The following DNAH11 variants were observed in gnomAD, a reference collection of about 807,000 sequenced individuals.
DNAH11 encodes axonemal beta dynein heavy chain 11.
In DNAH11, 442 loss-of-function variants were observed where a neutral mutation model predicts 526.0. The ratio of observed to expected loss-of-function variants is 0.84; its 90% CI spans 0.78 to 0.91. DNAH11 has a LOEUF of 0.91. Ranked by LOEUF, DNAH11 falls within the 40% of genes least tolerant of loss-of-function variation. The pLI is 0.00. For missense variants in DNAH11, 6,989 were observed against 5,448.7 expected (o/e 1.28, Z -8.90); for synonymous variants, 2,461 against 1,935.9 (o/e 1.27, Z -7.12).
At chr7:21,796,893 A>AT (rs965567571) in intron 61 of DNAH11, among the ~76,000 whole-genome samples, 3 of 152,024 alleles carry the variant, frequency 2.0e-5, no homozygotes, top group Non-Finnish European at 2.9e-5. Context: ...GTTAGTTGTT[A>AT]TTTTTTTATT....
chr7:21,837,084 A>G (rs1480986275), intron 65 of DNAH11, among the ~76,000 whole-genome samples: 1 of 152,202 alleles, frequency 6.6e-6, no homozygotes, highest in East Asian at 1.9e-4. Context: ...TCAAAAAGAC[A>G]AAAAATAACA....
At chr7:21,658,533 T>C (rs895288456) in intron 29 of DNAH11, among the ~76,000 whole-genome samples, 2 of 152,154 alleles carry the variant, frequency 1.3e-5, no homozygotes, top group African/African-American at 2.4e-5. Context: ...CTTTTCTGTT[T>C]AGGCTGTGGA....
At chr7:21,652,105 A>G (rs1346750474) in intron 28 of DNAH11, among the ~76,000 whole-genome samples, 5 of 152,226 alleles carry the variant, frequency 3.3e-5, no homozygotes, top group Non-Finnish European at 5.9e-5. Context: ...GGAGTCACAG[A>G]AGAGAGAGCT....
intron 63 of DNAH11, among the ~76,000 whole-genome samples, chr7:21,813,436 A>C (rs1294980839): frequency 6.6e-6 from 1 of 152,228 alleles, no homozygotes; most frequent in Non-Finnish European, 1.5e-5. Flanking sequence ...AAAAAATGGA[A>C]AGAATGAATC....
chr7:21,688,776 A>G (rs1783491285), intron 34 of DNAH11, among the ~76,000 whole-genome samples: 1 of 152,168 alleles, frequency 6.6e-6, no homozygotes, highest in African/African-American at 2.4e-5. Flanking sequence ...ACACAATGCC[A>G]CATTCCAAAA....
chr7:21,748,850 C>G (rs2128492669), intron 52 of DNAH11, 108 bp downstream of exon 52: 2 of 1,192,924 alleles, frequency 1.7e-6, no homozygotes, highest in Middle Eastern at 3.0e-4. Flanking sequence ...GCCAAGGCCT[C>G]CCCAACCACG....
intron 2 of DNAH11, among the ~76,000 whole-genome samples, chr7:21,548,496 C>CAT (rs1425065695): frequency 5.9e-5 from 9 of 152,142 alleles, no homozygotes; most frequent in African/African-American, 2.2e-4. Flanking sequence ...ACGGAGTTAA[C>CAT]ATATATATTG....
At chr7:21,842,780 G>T (rs891382426) in intron 66 of DNAH11, 32 bp downstream of exon 66, 1 of 1,547,058 alleles carries the variant, frequency 6.5e-7, no homozygotes, top group East Asian at 2.3e-5. Flanking sequence ...CCAACACTTA[G>T]TCGGCATTTG....
chr7:21,749,909 A>G, intron 53 of DNAH11, 108 bp downstream of exon 53: 5 of 1,532,710 alleles, frequency 3.3e-6, no homozygotes, highest in Non-Finnish European at 4.4e-6. Flanking sequence ...TTTGCTGGGC[A>G]GTCTTTGGGG....
chr7:21,650,231 T>C (rs1463093150), intron 28 of DNAH11, among the ~76,000 whole-genome samples: 1 of 152,208 alleles, frequency 6.6e-6, no homozygotes, highest in Non-Finnish European at 1.5e-5. Flanking sequence ...GTTACAGTAA[T>C]AAGTGAGAAA....
chr7:21,866,542 T>A lies in DNAH11; in HGVS notation c.11569T>A (p.Trp3857Arg). 3.7e-6 allele frequency: 6 copies of A among 1,613,704 alleles called. No homozygotes were observed. The highest frequency in any genetic ancestry group is 5.1e-6 in the Non-Finnish European group (6 of 1,179,806). ...VEGSAKQWRK[W>R]VESECPEKEK... Reference sequence around the variant, plus strand: ...AGGATCTGCCAAGCAGTGGAGGAAGTGGGTAGAATCCGAGTGTCCAGAAAA... The same window carrying A: ...AGGATCTGCCAAGCAGTGGAGGAAGAGGGTAGAATCCGAGTGTCCAGAAAA... The change falls in exon 71 of 82, where the codon TGG (tryptophan) becomes AGG (arginine). Residue 3857 changes from tryptophan (W) to arginine (R), a missense_variant. Physicochemically the swap from Trp to Arg is moderately radical, Grantham distance 101. Coordinates refer to ENST00000409508, the MANE Select transcript of DNAH11 (RefSeq NM_001277115.2).
chr7:21,753,101 A>C (rs557865058), intron 54 of DNAH11, among the ~76,000 whole-genome samples: 2 of 152,334 alleles, frequency 1.3e-5, no homozygotes, highest in Non-Finnish European at 2.9e-5. Flanking sequence ...AGACTGGCTC[A>C]GTATTACCCT....
chr7:21,544,953 C>A, intron 1 of DNAH11, 53 bp from the exon 2 acceptor site: 2 of 1,454,062 alleles, frequency 1.4e-6, no homozygotes, highest in Non-Finnish European at 9.2e-7. Flanking sequence ...TATAGTAAAT[C>A]CTGCTTGTTA....
intron 25 of DNAH11, among the ~76,000 whole-genome samples, chr7:21,630,213 C>A (rs573568352): frequency 1.3e-5 from 2 of 151,852 alleles, no homozygotes; most frequent in South Asian, 4.2e-4. Context: ...CCATTCCTTC[C>A]CCCCACCCCA....
chr7:21,896,418 T>C (rs1314620390), intron 79 of DNAH11, among the ~76,000 whole-genome samples: 2 of 152,168 alleles, frequency 1.3e-5, no homozygotes, highest in Admixed American at 1.3e-4. Context: ...ACTCCATGGT[T>C]TTCTAGCTTT....
chr7:21,557,097 TTTTTC>T (rs1385853656), intron 2 of DNAH11, among the ~76,000 whole-genome samples: 3 of 151,462 alleles, frequency 2.0e-5, no homozygotes, highest in Non-Finnish European at 2.9e-5. Context: ...CAGTATTTGG[TTTTTC>T]TGTTCCTGTG....
At chr7:21,645,568 C>A (rs894239193) in intron 28 of DNAH11, among the ~76,000 whole-genome samples, 4 of 152,034 alleles carry the variant, frequency 2.6e-5, no homozygotes, top group Non-Finnish European at 4.4e-5. Flanking sequence ...AAAACTGGAA[C>A]TCAGGCCCCA....
chr7:21,694,921 G>T (rs1392358683), intron 35 of DNAH11, among the ~76,000 whole-genome samples: 1 of 152,112 alleles, frequency 6.6e-6, no homozygotes, highest in Non-Finnish European at 1.5e-5. Context: ...ATCTCATTGT[G>T]GTTTTGATTT....
At position 21,598,553 on chromosome 7, in the gene DNAH11, A is replaced by G. The variant is rs866927394; in HGVS notation, c.2668-1234A>G. On this transcript the variant is annotated intron_variant, in intron 14 of 81. Coordinates refer to ENST00000409508, the MANE Select transcript of DNAH11 (RefSeq NM_001277115.2). ...GTCCAGTGTTTTCTAAACTGGGTCT[A>G]TTCCACAGGTTGCTTATCATAGATG... 5.3e-5 allele frequency among the ~76,000 whole-genome samples: 8 copies of G among 152,152 alleles called. No individual in the cohort carries two copies. The East Asian group carries it at 7.7e-4, about 15-fold the overall frequency.
Sources: gnomAD v4.1 joint callset for allele counts (sites outside exome capture counted in the v4.1 genomes callset) on GRCh38, gnomAD v4.1.1 for gene constraint, MANE v1.5 for transcripts, NCBI Gene and HGNC (gene_info 2026-07-23, HGNC 2026-07-21) for gene names.